The following ECPAS variants were observed in gnomAD, a reference collection of about 807,000 sequenced individuals.
The protein encoded by ECPAS is proteasome adapter and scaffold protein ECM29.
A neutral mutation model predicts 255.1 loss-of-function variants in ECPAS; 70 were observed. The observed-to-expected ratio is 0.27, with a 90% CI of 0.23 to 0.33. ECPAS has a LOEUF of 0.33. Ranked by LOEUF, ECPAS falls within the 10% of genes least tolerant of loss-of-function variation. The probability of loss-of-function intolerance (pLI) is 1.00; values close to 1 mark genes in which losing one functional copy is unlikely to be tolerated. For missense variants in ECPAS, 1,817 were observed against 2,206.4 expected, an observed-to-expected ratio of 0.82 and a Z score of 3.54; for synonymous variants, 784 against 775.0, an observed-to-expected ratio of 1.01 and a Z score of -0.19.
chr9:111,414,706 G>A (rs1189851996), intron 18 of ECPAS, 55 bp from the exon 19 acceptor site: 4 of 1,448,004 alleles, frequency 2.8e-6, no homozygotes, highest in Non-Finnish European at 3.8e-6. Context: ...GTCAGTGTGG[G>A]AAGGTACTCT....
intron 12 of ECPAS, 87 bp downstream of exon 12, chr9:111,425,331 A>C: frequency 1.2e-6 from 1 of 825,498 alleles, no homozygotes; most frequent in Non-Finnish European, 1.8e-6. Flanking sequence ...ACAAACTTTT[A>C]ACTAACTACA....
At chr9:111,370,905 A>G (rs2131502651) in intron 43 of ECPAS, 140 bp from the exon 44 acceptor site, 5 of 764,784 alleles carry the variant, frequency 6.5e-6, no homozygotes, top group Non-Finnish European at 1.1e-5. Flanking sequence ...TCTTTAATGC[A>G]TAATTTTAAG....
chr9:111,434,249 G>C (rs1380023798), intron 7 of ECPAS, among the ~76,000 whole-genome samples: 2 of 151,960 alleles, frequency 1.3e-5, no homozygotes, highest in African/African-American at 4.8e-5. Flanking sequence ...AGCTACAACA[G>C]AAAAGATTCA....
chr9:111,417,608 T>A (rs1369397165), intron 17 of ECPAS, among the ~76,000 whole-genome samples: 2 of 151,942 alleles, frequency 1.3e-5, no homozygotes, highest in East Asian at 3.9e-4. Flanking sequence ...TTAACCGGGC[T>A]TGGTGGCAGG....
At chr9:111,448,222 G>A (rs1246479211) in intron 3 of ECPAS, among the ~76,000 whole-genome samples, 2 of 152,050 alleles carry the variant, frequency 1.3e-5, no homozygotes, top group Non-Finnish European at 2.9e-5. Context: ...AATAACTGAT[G>A]TAAATGCCCT....
In ECPAS at chr9:111,417,982, T is replaced by A; in HGVS notation, c.1584A>T (p.Ala528=). Residue 528 remains alanine (A), a synonymous_variant, in exon 17 of 50, where the codon GCA becomes GCT. Transcript: ENST00000684092. ...GDPREEVHGE[A]QRVLRCLPGR... ...CTGGAAGACACCTTAATACGCGTTG[T>A]GCTTCTCCATGAACTTCTTCACGTC... 6.2e-7 allele frequency: 1 copy of A among 1,604,998 alleles called. No homozygotes were observed. Among genetic ancestry groups the A allele is most frequent in the Non-Finnish European group, 8.5e-7 (1 of 1,176,548 alleles).
rs572633314 is a variant in ECPAS at position 111,409,564 on chromosome 9, C to CA, written c.2550+476dup. ...GAGCAGCAAGAGCAAAACTCCATCT[C>CA]AAAAAAAAAAAAAGATTATATCAAT... is the stretch of plus-strand genomic sequence containing the variant. On this transcript the variant is annotated intron_variant, in intron 23 of 49. Transcript: ENST00000684092. 8.1e-3 allele frequency among the ~76,000 whole-genome samples: 1,027 copies of CA among 127,522 alleles called. 12 individuals are homozygous for CA. Among genetic ancestry groups the CA allele is most frequent in the Non-Finnish European group, 8.1e-3 (475 of 58,380 alleles). The allele number at this position is 127,522 out of a possible 152,430, so 83.7% of individuals were successfully genotyped here.
At position 111,484,185 on chromosome 9, in the gene ECPAS, G is replaced by C; in HGVS notation, c.-152C>G. 6.7e-7 allele frequency: 1 copy of C among 1,484,178 alleles called. No individual in the cohort carries two copies. Among genetic ancestry groups the C allele is most frequent in the Non-Finnish European group, 8.9e-7 (1 of 1,119,718 alleles). The allele number at this position is 1,484,178 out of a possible 1,614,324, so 91.9% of individuals were successfully genotyped here. A position where few individuals can be genotyped will look rare whatever the true frequency, so the allele number is the denominator to read the frequency against. On this transcript the variant is annotated 5_prime_UTR_variant, in exon 1 of 50. Transcript: ENST00000684092. ...CCGCGAGGTGAGGGCTGTAGAGCGA[G>C]GCGTTCGGCGGGCCGGGCCCCGGGG...
chr9:111,404,813 CAA>C (rs35277070), intron 24 of ECPAS, among the ~76,000 whole-genome samples: 3 of 52,884 alleles, frequency 5.7e-5, no homozygotes, highest in Admixed American at 2.0e-4. Context: ...TAATAGCTAC[CAA>C]AAAAAAAAAA....
At chr9:111,373,280 G>A in intron 40 of ECPAS, 35 bp downstream of exon 40, 1 of 1,612,826 alleles carries the variant, frequency 6.2e-7, no homozygotes, top group South Asian at 1.1e-5. Context: ...AACTGTCAAA[G>A]AGTTTTATTT....
intron 17 of ECPAS, among the ~76,000 whole-genome samples, chr9:111,417,537 G>A (rs572594405): frequency 2.0e-5 from 3 of 152,214 alleles, no homozygotes; most frequent in South Asian, 2.1e-4. Context: ...CCTGAGGTCA[G>A]GAGTTCAAGA....
At chr9:111,391,847 A>G (rs751578866) in intron 28 of ECPAS, 23 bp from the exon 29 acceptor site, 62 of 1,493,990 alleles carry the variant, frequency 4.1e-5, no homozygotes, top group South Asian at 2.1e-4. Context: ...AATAATTTCA[A>G]TAAGCTTCAA....
chr9:111,476,409 G>C (rs1168168569), intron 1 of ECPAS, among the ~76,000 whole-genome samples: 1 of 152,006 alleles, frequency 6.6e-6, no homozygotes, highest in African/African-American at 2.4e-5. Flanking sequence ...CATTTCATTT[G>C]CAATAGTTAT....
Position 111,374,028 on chromosome 9 carries a change from G to C in ECPAS, c.4121C>G (p.Ala1374Gly). 6.2e-7 allele frequency: 1 copy of C among 1,612,522 alleles called. No individual in the cohort carries two copies. The highest frequency in any genetic ancestry group is 8.5e-7 in the Non-Finnish European group (1 of 1,178,656). ...AGTAGTTAATGACACAATGACACTG[G>C]CACAGCCACCCTACAGGGTTACAAA... ...GVGLGTKGGC[A>G]SVIVSLTTQC... Residue 1374 changes from alanine to glycine, a missense_variant, in exon 39 of 50, where the codon GCC becomes GGC. By Grantham distance (60) the Ala-to-Gly change is moderately conservative. Around this residue, in one of 4 missense-constraint regions of ECPAS, gnomAD observed 960 missense variants for 1,179.0 expected, o/e 0.81. Transcript: ENST00000684092.
chr9:111,427,160 G>GA (rs34971252), intron 10 of ECPAS, among the ~76,000 whole-genome samples: 96,799 of 139,414 alleles, frequency 0.69, 33,139 homozygotes, highest in Non-Finnish European at 0.74. Context: ...CCCTGTCTCA[G>GA]AAAAAAAAAA....
rs1386373051 is a variant in ECPAS at position 111,397,171 on chromosome 9, A to C, written c.2653-18T>G. The C allele has an allele frequency of 3.1e-6, 5 of 1,612,356 alleles. No homozygotes were observed. Among genetic ancestry groups the C allele is most frequent in the Non-Finnish European group, 4.2e-6 (5 of 1,179,204 alleles). On this transcript the variant is annotated intron_variant, in intron 24 of 49. Transcript: ENST00000684092. ...TGCTTGGCCTGCAACGAAGGAAGTA[A>C]AAACCATGAATGAGAAAACACATTT...
rs2098220212 is a variant in ECPAS, at chr9:111,425,504, T to C, written c.1137-8A>G. ...ATCTTGATTTCTGGACAGCTTTAAA[T>C]AAAACACACATACACAAAGCAAGAT... On this transcript the variant is annotated splice_region_variant and splice_polypyrimidine_tract_variant and intron_variant, in intron 11 of 49. Coordinates refer to ENST00000684092, the MANE Select transcript of ECPAS (RefSeq NM_001364929.1). 3 of 1,575,358 alleles carry C rather than the reference T, an allele frequency of 1.9e-6. No homozygotes were observed. The highest frequency in any genetic ancestry group is 1.7e-4 in the Middle Eastern group (1 of 5,962).
intron 7 of ECPAS, among the ~76,000 whole-genome samples, chr9:111,436,468 G>A (rs1222096036): frequency 3.9e-5 from 6 of 152,168 alleles, no homozygotes. Flanking sequence ...ATATAACAGG[G>A]AGTCATGCTT....
chr9:111,437,241 T>C (rs1417724278), intron 6 of ECPAS, 133 bp from the exon 7 acceptor site: 1 of 752,800 alleles, frequency 1.3e-6, no homozygotes, highest in Non-Finnish European at 1.9e-6. Flanking sequence ...GAAATTAAAA[T>C]TTCATCATAA....
Sources: gnomAD v4.1 joint callset for allele counts (sites outside exome capture counted in the v4.1 genomes callset) on GRCh38, gnomAD v4.1.1 for gene constraint, gnomAD v4.1.1 regional missense constraint, MANE v1.5 for transcripts, NCBI Gene and HGNC (gene_info 2026-07-23, HGNC 2026-07-21) for gene names.